The following PTGFR variants were observed in gnomAD, a reference collection of about 807,000 sequenced individuals.
The protein encoded by PTGFR is prostaglandin F2-alpha receptor.
In PTGFR, 15 loss-of-function variants were observed where a neutral mutation model predicts 26.2. The observed-to-expected ratio is 0.57, with a 90% confidence interval of 0.38 to 0.88. The LOEUF is 0.88. Among genes scored for constraint, PTGFR ranks in the 40% least tolerant of loss-of-function variants. The pLI is 0.00. For synonymous variants in PTGFR, 165 were observed against 151.1 expected, an observed-to-expected ratio of 1.09 and a Z score of -0.68; for missense variants, 369 against 427.2, an observed-to-expected ratio of 0.86 and a Z score of 1.20.
rs1052468856 is a variant in PTGFR at position 78,536,631 on chromosome 1, T to G, written c.1024T>G (p.Leu342Val). 6.2e-7 allele frequency: 1 copy of G among 1,613,216 alleles called. No individual in the cohort carries two copies. Residue 342 changes from leucine (L) to valine (V), a missense_variant, in exon 3 of 3, where the codon TTA (leucine) becomes GTA (valine). Physicochemically the swap from Leu to Val is conservative, Grantham distance 32. Transcript: ENST00000370757. ...GGAGCTTAGTTCCATTAAAAATTCC[T>G]TAAAGGTTGCTGCTATTTCTGAGTC... is the stretch of plus-strand genomic sequence containing the variant. Reference protein sequence around the residue: ...IWELSSIKNSLKVAAISESPV... With the variant: ...IWELSSIKNSVKVAAISESPV...
chr1:78,540,681 A>G lies in PTGFR; in HGVS notation c.*3994A>G, dbSNP rs559130389. Among the ~76,000 whole-genome samples the G allele has an allele frequency of 2.0e-5, 3 of 152,190 alleles. No individual in the cohort carries two copies. Among genetic ancestry groups the G allele is most frequent in the Non-Finnish European group, 2.9e-5 (2 of 68,028 alleles). ...GTCTGAAATGGTTGCTTTTCTAATA[A>G]ATGAAAATGACTAAAATGTATTTTG... On this transcript the variant is annotated 3_prime_UTR_variant, in exon 3 of 3. Transcript: ENST00000370757.
intron 2 of PTGFR, among the ~76,000 whole-genome samples, chr1:78,533,298 G>T (rs1650566798): frequency 6.6e-6 from 1 of 152,150 alleles, no homozygotes; most frequent in Non-Finnish European, 1.5e-5. Context: ...AACTCATACA[G>T]CTCAAATGGA....
intron 2 of PTGFR, among the ~76,000 whole-genome samples, chr1:78,525,590 A>G (rs950246439): frequency 1.3e-5 from 2 of 152,000 alleles, no homozygotes; most frequent in Non-Finnish European, 2.9e-5. Context: ...TTTGGTATGT[A>G]GGCATAATTG....
intron 2 of PTGFR, among the ~76,000 whole-genome samples, chr1:78,523,663 G>A (rs575549934): frequency 6.6e-6 from 1 of 152,080 alleles, no homozygotes; most frequent in Non-Finnish European, 1.5e-5. Flanking sequence ...CACTGCAACA[G>A]AATTTTATTT....
Position 78,520,667 on chromosome 1 carries a change from G to A in PTGFR, c.799-15739G>A, listed in dbSNP as rs116812654. On this transcript the variant is annotated intron_variant, in intron 2 of 2. Transcript: ENST00000370757. ...ATAATTTGGTGATGATTTGCCATTGGTTTGGGATCAATCATGGTTAAAGTA... is the reference window on the plus strand; with the variant it reads ...ATAATTTGGTGATGATTTGCCATTGATTTGGGATCAATCATGGTTAAAGTA... 2.9e-3 allele frequency among the ~76,000 whole-genome samples: 445 copies of A among 152,122 alleles called. 3 individuals are homozygous for A. Among genetic ancestry groups the A allele is most frequent in the African/African-American group, 0.01 (435 of 41,516 alleles).
intron 2 of PTGFR, among the ~76,000 whole-genome samples, chr1:78,532,530 G>A (rs1650543112): frequency 6.8e-6 from 1 of 146,990 alleles, no homozygotes; most frequent in Non-Finnish European, 1.5e-5. Flanking sequence ...ATATATTTGT[G>A]TGTGTATATA....
intron 2 of PTGFR, among the ~76,000 whole-genome samples, chr1:78,504,991 TAG>T (rs1024258093): frequency 2.0e-5 from 3 of 152,146 alleles, no homozygotes; most frequent in Admixed American, 6.5e-5. Context: ...AATTTTAATA[TAG>T]AGTGTTTCTT....
chr1:78,499,199 C>T (rs564672694), intron 2 of PTGFR, among the ~76,000 whole-genome samples: 1 of 152,192 alleles, frequency 6.6e-6, no homozygotes, highest in Non-Finnish European at 1.5e-5. Flanking sequence ...ATTCACGTGA[C>T]TCTCTCCCTC....
intron 2 of PTGFR, among the ~76,000 whole-genome samples, chr1:78,531,307 C>T (rs1247107990): frequency 6.6e-6 from 1 of 152,168 alleles, no homozygotes; most frequent in Non-Finnish European, 1.5e-5. Context: ...AGAGACGTCT[C>T]TGTTGTAGCA....
intron 2 of PTGFR, among the ~76,000 whole-genome samples, chr1:78,499,949 T>C (rs971021947): frequency 1.3e-5 from 2 of 152,218 alleles, no homozygotes; most frequent in Non-Finnish European, 2.9e-5. Flanking sequence ...AAGTATTGAA[T>C]GGGAAGTATC....
chr1:78,523,568 G>A (rs1303559891), intron 2 of PTGFR, among the ~76,000 whole-genome samples: 1 of 151,948 alleles, frequency 6.6e-6, no homozygotes, highest in Non-Finnish European at 1.5e-5. Context: ...GACTAACCAG[G>A]AAATAGGGAG....
chr1:78,491,649 T>C (rs2100341876), intron 1 of PTGFR, among the ~76,000 whole-genome samples: 1 of 152,326 alleles, frequency 6.6e-6, no homozygotes, highest in South Asian at 2.1e-4. Flanking sequence ...GAGGGAATGT[T>C]GCGAGGCCAG....
chr1:78,508,273 C>CA (rs1649873275), intron 2 of PTGFR, among the ~76,000 whole-genome samples: 1 of 152,084 alleles, frequency 6.6e-6, no homozygotes, highest in Non-Finnish European at 1.5e-5. Flanking sequence ...TTCTTTTCTA[C>CA]AAAAATTGCC....
chr1:78,524,906 A>ATTTTTTTTTTTTTTTTT (rs35641651), intron 2 of PTGFR, among the ~76,000 whole-genome samples: 33 of 70,520 alleles, frequency 4.7e-4, no homozygotes, highest in Non-Finnish European at 6.1e-4. Flanking sequence ...CAAATGCAAG[A>ATTTTTTTTTTTTTTTTT]TTTTTTTTTT....
At chr1:78,516,701 T>A (rs1008903056) in intron 2 of PTGFR, among the ~76,000 whole-genome samples, 3 of 152,186 alleles carry the variant, frequency 2.0e-5, no homozygotes, top group Non-Finnish European at 2.9e-5. Context: ...AATGGACAGC[T>A]ATGTTAGTTG....
At chr1:78,534,810 A>G (rs1276789553) in intron 2 of PTGFR, among the ~76,000 whole-genome samples, 4 of 152,194 alleles carry the variant, frequency 2.6e-5, no homozygotes, top group African/African-American at 9.6e-5. Context: ...ATTATGTGAA[A>G]GTGTTATAAT....
rs997008867 is a variant in PTGFR at position 78,520,368 on chromosome 1, A to G, written c.799-16038A>G. Among the ~76,000 whole-genome samples the G allele has an allele frequency of 3.3e-5, 5 of 152,104 alleles. No individual in the cohort carries two copies. In the South Asian group the frequency reaches 1.0e-3, roughly 32 times the overall value. On this transcript the variant is annotated intron_variant, in intron 2 of 2. Coordinates refer to ENST00000370757, the MANE Select transcript of PTGFR (RefSeq NM_000959.4). ...TTGCGAAACCTCTTAAGAATACAAT[A>G]TCTTCCGTATAACCACAGAGAACGG...
chr1:78,526,517 A>G (rs473027), intron 2 of PTGFR, among the ~76,000 whole-genome samples: 59,814 of 151,926 alleles, frequency 0.39, 13,614 homozygotes, highest in African/African-American at 0.63. Context: ...TTTTGTCCTA[A>G]ATCTTCCTGA....
intron 2 of PTGFR, among the ~76,000 whole-genome samples, chr1:78,495,538 G>C (rs1276105518): frequency 6.6e-6 from 1 of 152,218 alleles, no homozygotes; most frequent in Non-Finnish European, 1.5e-5. Context: ...TACAATGAAG[G>C]TTGTGTCTCT....
Sources: gnomAD v4.1 joint callset for allele counts (sites outside exome capture counted in the v4.1 genomes callset) on GRCh38, gnomAD v4.1.1 for gene constraint, MANE v1.5 for transcripts, NCBI Gene and HGNC (gene_info 2026-07-23, HGNC 2026-07-21) for gene names.